CSMD1: variants seen among roughly 807,000 people sequenced by gnomAD.
The protein encoded by CSMD1 is CUB and sushi domain-containing protein 1.
In CSMD1, 213 loss-of-function variants were observed where a neutral mutation model predicts 417.5. The observed-to-expected ratio is 0.51, with a 90% CI of 0.46 to 0.57. The LOEUF is 0.57. CSMD1 is among the 20% of genes least tolerant of loss of function. The probability of loss-of-function intolerance (pLI) is 0.00; values close to 1 mark genes in which losing one functional copy is unlikely to be tolerated. For missense variants in CSMD1, 6,923 were observed against 4,529.7 expected, an observed-to-expected ratio of 1.53 and a Z score of -15.17; for synonymous variants, 2,862 against 1,736.8, an observed-to-expected ratio of 1.65 and a Z score of -16.11.
intron 2 of CSMD1, among the ~76,000 whole-genome samples, chr8:4,459,574 T>C (rs576879855): frequency 2.6e-5 from 4 of 152,328 alleles, no homozygotes; most frequent in African/African-American, 9.6e-5. Context: ...GGCTAATCCA[T>C]GGAATGGCTA....
chr8:3,776,894 T>C (rs990412167), intron 5 of CSMD1, among the ~76,000 whole-genome samples: 7 of 151,570 alleles, frequency 4.6e-5, no homozygotes, highest in Admixed American at 2.6e-4. Context: ...TTTGTATTTT[T>C]TGCAGAGACG....
intron 3 of CSMD1, among the ~76,000 whole-genome samples, chr8:4,359,241 G>A (rs755050010): frequency 5.3e-5 from 8 of 152,156 alleles, no homozygotes; most frequent in Admixed American, 1.3e-4. Flanking sequence ...CCCTCCTTCT[G>A]AGATTACTTC....
chr8:3,158,398 G>C (rs1191180501), intron 38 of CSMD1, among the ~76,000 whole-genome samples: 1 of 152,054 alleles, frequency 6.6e-6, no homozygotes, highest in Non-Finnish European at 1.5e-5. Context: ...CTTATGGAGA[G>C]GTAGCTTCGG....
At chr8:3,807,580 A>C (rs1419219552) in intron 5 of CSMD1, among the ~76,000 whole-genome samples, 1 of 152,190 alleles carries the variant, frequency 6.6e-6, no homozygotes, top group Non-Finnish European at 1.5e-5. Context: ...CAGACTTACA[A>C]AGCCACAATT....
At chr8:3,353,212 C>T (rs1374182656) in intron 21 of CSMD1, among the ~76,000 whole-genome samples, 1 of 152,152 alleles carries the variant, frequency 6.6e-6, no homozygotes, top group Non-Finnish European at 1.5e-5. Context: ...CTGAGGGAAG[C>T]AACTTTCTGA....
At chr8:3,800,982 A>G (rs1480078586) in intron 5 of CSMD1, among the ~76,000 whole-genome samples, 1 of 152,170 alleles carries the variant, frequency 6.6e-6, no homozygotes, top group Non-Finnish European at 1.5e-5. Flanking sequence ...GACTAAGACA[A>G]TTTAAATTTC....
chr8:3,786,242 C>G (rs1047136448), intron 5 of CSMD1, among the ~76,000 whole-genome samples: 2 of 151,938 alleles, frequency 1.3e-5, no homozygotes, highest in Non-Finnish European at 2.9e-5. Context: ...AAGACATTGT[C>G]GGGAGATGTC....
intron 3 of CSMD1, among the ~76,000 whole-genome samples, chr8:4,032,690 C>A (rs1191897925): frequency 6.6e-6 from 1 of 152,176 alleles, no homozygotes; most frequent in African/African-American, 2.4e-5. Flanking sequence ...TCCAGGCCAG[C>A]AGCCAGGCTC....
At chr8:3,639,181 G>C (rs556068465) in intron 7 of CSMD1, among the ~76,000 whole-genome samples, 1 of 152,324 alleles carries the variant, frequency 6.6e-6, no homozygotes, top group Admixed American at 6.5e-5. Context: ...CAAGAGGACA[G>C]AGTAAGTCAG....
chr8:4,929,267 G>A (rs998601352), intron 1 of CSMD1, among the ~76,000 whole-genome samples: 2 of 152,132 alleles, frequency 1.3e-5, no homozygotes, highest in Non-Finnish European at 2.9e-5. Flanking sequence ...CAAACCTGCA[G>A]ACACCGTCGT....
At chr8:4,574,239 G>A (rs1346893450) in intron 2 of CSMD1, among the ~76,000 whole-genome samples, 1 of 152,186 alleles carries the variant, frequency 6.6e-6, no homozygotes, top group Non-Finnish European at 1.5e-5. Flanking sequence ...TTGAAACCCA[G>A]GGCCCTGGTG....
chr8:4,357,198 A>G (rs1340065561), intron 3 of CSMD1, among the ~76,000 whole-genome samples: 1 of 152,126 alleles, frequency 6.6e-6, no homozygotes, highest in Non-Finnish European at 1.5e-5. Flanking sequence ...GTGTGTTCTT[A>G]AGTAGCTAAG....
At chr8:3,492,668 G>C (rs574814932) in intron 11 of CSMD1, among the ~76,000 whole-genome samples, 153 of 152,304 alleles carry the variant, frequency 1.0e-3, no homozygotes, top group Non-Finnish European at 1.8e-3. Flanking sequence ...TCTGGAAGTA[G>C]CTGAAGCAGA....
intron 6 of CSMD1, among the ~76,000 whole-genome samples, chr8:3,734,814 G>A (rs948024245): frequency 2.9e-4 from 44 of 152,136 alleles, no homozygotes; most frequent in Non-Finnish European, 4.1e-4. Context: ...GCCCCGTGAC[G>A]GGGATACCTT....
chr8:4,847,735 G>A (rs932439394), intron 1 of CSMD1, among the ~76,000 whole-genome samples: 1 of 150,374 alleles, frequency 6.7e-6, no homozygotes, highest in African/African-American at 2.4e-5. Flanking sequence ...ACAGTTTTCA[G>A]GACCGTTGGT....
intron 7 of CSMD1, among the ~76,000 whole-genome samples, chr8:3,689,302 C>A (rs1191505072): frequency 6.6e-6 from 1 of 152,156 alleles, no homozygotes; most frequent in Non-Finnish European, 1.5e-5. Context: ...TAACATTGGA[C>A]TAAGCCATCT....
rs139916830 is a variant in CSMD1 at position 3,767,792 on chromosome 8, C to T, written c.819-13750G>A. 9.9e-3 allele frequency among the ~76,000 whole-genome samples: 1,511 copies of T among 152,246 alleles called. 17 individuals are homozygous for T. Among genetic ancestry groups the T allele is most frequent in the South Asian group, 0.028 (136 of 4,814 alleles). ...TCAGAGAACAGTGCTCTCATCTTCT[C>T]ACGTACACGGGCTTCCACCAGCACT... On this transcript the variant is annotated intron_variant, in intron 5 of 69. Transcript: ENST00000635120.
intron 1 of CSMD1, among the ~76,000 whole-genome samples, chr8:4,788,958 T>G (rs576465236): frequency 6.6e-6 from 1 of 152,168 alleles, no homozygotes; most frequent in African/African-American, 2.4e-5. Context: ...AGTTCTGACA[T>G]GAACTGAGAT....
intron 9 of CSMD1, among the ~76,000 whole-genome samples, chr8:3,584,972 G>A (rs1468187572): frequency 1.3e-5 from 2 of 152,128 alleles, no homozygotes; most frequent in Admixed American, 6.6e-5. Context: ...AAAAGAAGGG[G>A]ACAGCCATGT....
Sources: gnomAD v4.1 joint callset for allele counts (sites outside exome capture counted in the v4.1 genomes callset) on GRCh38, gnomAD v4.1.1 for gene constraint, MANE v1.5 for transcripts, NCBI Gene and HGNC (gene_info 2026-07-23, HGNC 2026-07-21) for gene names.